The following RBFOX1 variants were observed in gnomAD, a reference collection of about 807,000 sequenced individuals.
RBFOX1 encodes the protein RNA binding fox-1 homolog 1.
In RBFOX1, 8 loss-of-function variants were observed where a neutral mutation model predicts 57.7. The ratio of observed to expected loss-of-function variants is 0.14; its 90% CI spans 0.08 to 0.25. The LOEUF (loss-of-function observed/expected upper bound fraction) is 0.25, where lower values mean the gene tolerates loss of function less well. Ranked by LOEUF, RBFOX1 falls within the 10% of genes least tolerant of loss-of-function variation. The pLI is 1.00. For synonymous variants in RBFOX1, 326 were observed against 222.4 expected (o/e 1.47, Z -4.15); for missense variants, 611 against 548.5 (o/e 1.11, Z -1.14).
chr16:7,506,957 G>C lies in RBFOX1; in HGVS notation c.28-11190G>C, dbSNP rs190871951. ...CACAGTGGGACATATGTGCATACAG[G>C]ACTTTCTAGATTATAAAATACATTC... On this transcript the variant is annotated intron_variant, in intron 4 of 15. Transcript: ENST00000550418. 2.0e-5 allele frequency among the ~76,000 whole-genome samples: 3 copies of C among 152,142 alleles called. No individual in the cohort carries two copies. In the East Asian group the frequency reaches 5.8e-4, roughly 29 times the overall value.
chr16:6,963,930 C>T (rs1358671920), intron 3 of RBFOX1, among the ~76,000 whole-genome samples: 1 of 152,074 alleles, frequency 6.6e-6, no homozygotes, highest in African/African-American at 2.4e-5. Context: ...GATCTCCTGA[C>T]ATCATGATCC....
intron 3 of RBFOX1, among the ~76,000 whole-genome samples, chr16:6,680,255 G>A (rs2058429343): frequency 7.0e-6 from 1 of 143,482 alleles, no homozygotes; most frequent in African/African-American, 2.6e-5. Flanking sequence ...TCCTGTCTTT[G>A]CTTTGCTTTT....
At chr16:5,505,941 A>G (rs887199929) in intron 2 of RBFOX1, among the ~76,000 whole-genome samples, 5 of 152,240 alleles carry the variant, frequency 3.3e-5, no homozygotes, top group African/African-American at 1.2e-4. Flanking sequence ...TCTCTGCTAT[A>G]GACTTTTTCT....
intron 4 of RBFOX1, among the ~76,000 whole-genome samples, chr16:7,435,489 G>A (rs1348342419): frequency 3.9e-5 from 6 of 152,200 alleles, no homozygotes; most frequent in African/African-American, 1.4e-4. Flanking sequence ...TCTTTGGAAG[G>A]AAATCACTAT....
At chr16:7,389,093 T>C (rs1387989147) in intron 4 of RBFOX1, among the ~76,000 whole-genome samples, 1 of 152,162 alleles carries the variant, frequency 6.6e-6, no homozygotes, top group African/African-American at 2.4e-5. Context: ...CTTTAATAAA[T>C]TACAAGTTGG....
At chr16:7,586,648 A>G (rs1483506838) in intron 6 of RBFOX1, among the ~76,000 whole-genome samples, 2 of 152,344 alleles carry the variant, frequency 1.3e-5, no homozygotes, top group South Asian at 2.1e-4. Flanking sequence ...CTAGTTGTCT[A>G]AAATCTATTT....
At chr16:5,899,159 A>G (rs990418877) in intron 4 of RBFOX1, among the ~76,000 whole-genome samples, 1 of 151,776 alleles carries the variant, frequency 6.6e-6, no homozygotes, top group Admixed American at 6.6e-5. Context: ...AAAAAAAAAA[A>G]AAAAAAATAG....
At chr16:7,005,258 C>T (rs1015878595) in intron 3 of RBFOX1, among the ~76,000 whole-genome samples, 4 of 152,196 alleles carry the variant, frequency 2.6e-5, no homozygotes, top group African/African-American at 9.7e-5. Flanking sequence ...TTTCCCCTTA[C>T]CTTTCAAGAG....
chr16:7,010,544 TTTTG>T (rs1262523736), intron 3 of RBFOX1, among the ~76,000 whole-genome samples: 8 of 151,774 alleles, frequency 5.3e-5, no homozygotes, highest in South Asian at 4.2e-4. Context: ...CCCCTTTTTT[TTTTG>T]TTTGTTTGTT....
At chr16:6,172,400 C>T (rs990482666) in intron 1 of RBFOX1, among the ~76,000 whole-genome samples, 1 of 152,164 alleles carries the variant, frequency 6.6e-6, no homozygotes, top group South Asian at 2.1e-4. Context: ...CTCTCGTTTA[C>T]AGTTCCATCC....
chr16:5,701,714 G>A (rs2051055660), intron 3 of RBFOX1, among the ~76,000 whole-genome samples: 1 of 152,170 alleles, frequency 6.6e-6, no homozygotes, highest in Non-Finnish European at 1.5e-5. Context: ...GACTACAGGT[G>A]TGAGCCACCA....
At chr16:6,444,124 G>A (rs1352014331) in intron 2 of RBFOX1, among the ~76,000 whole-genome samples, 2 of 152,076 alleles carry the variant, frequency 1.3e-5, no homozygotes, top group African/African-American at 4.8e-5. Context: ...CATCCTCATC[G>A]ATTGCTGTCC....
At chr16:7,555,829 C>T (rs1246912286) in intron 5 of RBFOX1, among the ~76,000 whole-genome samples, 2 of 152,180 alleles carry the variant, frequency 1.3e-5, no homozygotes, top group African/African-American at 4.8e-5. Flanking sequence ...CCTCCACGGT[C>T]CCTTCCTCCT....
chr16:7,111,488 G>A (rs905465441), intron 4 of RBFOX1, among the ~76,000 whole-genome samples: 1 of 152,152 alleles, frequency 6.6e-6, no homozygotes, highest in African/African-American at 2.4e-5. Flanking sequence ...AATGAGTGCA[G>A]TGTGGAATAC....
intron 10 of RBFOX1, among the ~76,000 whole-genome samples, chr16:7,620,700 C>T (rs1003873262): frequency 5.3e-5 from 8 of 152,268 alleles, no homozygotes; most frequent in South Asian, 2.1e-4. Flanking sequence ...TGATCATTCT[C>T]ATGCTGAAGG....
intron 3 of RBFOX1, among the ~76,000 whole-genome samples, chr16:5,649,878 C>G (rs1417946068): frequency 6.6e-6 from 1 of 152,174 alleles, no homozygotes; most frequent in Non-Finnish European, 1.5e-5. Context: ...GTCCTTCACA[C>G]TGTGCAGATT....
intron 2 of RBFOX1, among the ~76,000 whole-genome samples, chr16:5,555,089 G>A (rs897896130): frequency 3.9e-5 from 6 of 152,158 alleles, no homozygotes; most frequent in African/African-American, 1.4e-4. Flanking sequence ...GTGTGTTTGT[G>A]ACATGTGGGG....
At chr16:6,706,542 G>T (rs939314522) in intron 3 of RBFOX1, among the ~76,000 whole-genome samples, 1 of 152,114 alleles carries the variant, frequency 6.6e-6, no homozygotes, top group Admixed American at 6.5e-5. Context: ...TTCTGTGCAT[G>T]GGGACAAAAC....
intron 4 of RBFOX1, among the ~76,000 whole-genome samples, chr16:5,983,369 C>T (rs1314920129): frequency 6.6e-6 from 1 of 152,208 alleles, no homozygotes; most frequent in African/African-American, 2.4e-5. Context: ...TGGAGCTTCT[C>T]CGCGGACAAA....
Sources: gnomAD v4.1 joint callset for allele counts (sites outside exome capture counted in the v4.1 genomes callset) on GRCh38, gnomAD v4.1.1 for gene constraint, MANE v1.5 for transcripts, NCBI Gene and HGNC (gene_info 2026-07-23, HGNC 2026-07-21) for gene names.